The following CORIN variants were observed in gnomAD, a reference collection of about 807,000 sequenced individuals.
The protein encoded by CORIN is atrial natriuretic peptide-converting enzyme.
In CORIN, 117 loss-of-function variants were observed where a neutral mutation model predicts 125.3. The observed-to-expected ratio is 0.93, with a 90% CI of 0.80 to 1.09. The LOEUF (loss-of-function observed/expected upper bound fraction) is 1.09, where lower values mean the gene tolerates loss of function less well. Ranked by LOEUF, CORIN falls within the 50% of genes least tolerant of loss-of-function variation. CORIN has a pLI of 0.00. For synonymous variants in CORIN, 450 were observed against 466.4 expected, an observed-to-expected ratio of 0.96 and a Z score of 0.45; for missense variants, 1,253 against 1,306.7, an observed-to-expected ratio of 0.96 and a Z score of 0.63.
intron 2 of CORIN, among the ~76,000 whole-genome samples, chr4:47,798,245 A>G (rs1731382924): frequency 6.6e-6 from 1 of 152,188 alleles, no homozygotes; most frequent in Non-Finnish European, 1.5e-5. Context: ...TCGTTTTACC[A>G]TCTTGACTTT....
chr4:47,808,944 A>G (rs1731927035), intron 1 of CORIN, among the ~76,000 whole-genome samples: 1 of 152,208 alleles, frequency 6.6e-6, no homozygotes. Flanking sequence ...GTACATGACT[A>G]TATTGCAAGG....
chr4:47,706,897 A>G (rs1275026270), intron 5 of CORIN: 3 of 1,599,330 alleles, frequency 1.9e-6, no homozygotes, highest in Non-Finnish European at 2.5e-6. Context: ...GTGGCCTTGG[A>G]AAGGGCCATA....
intron 19 of CORIN, among the ~76,000 whole-genome samples, chr4:47,618,882 G>C (rs1377907278): frequency 6.6e-6 from 1 of 152,016 alleles, no homozygotes; most frequent in Non-Finnish European, 1.5e-5. Flanking sequence ...TGAGATACTA[G>C]GGCAGAAAGT....
At chr4:47,777,920 A>G (rs866699222) in intron 3 of CORIN, among the ~76,000 whole-genome samples, 5 of 152,252 alleles carry the variant, frequency 3.3e-5, no homozygotes, top group Non-Finnish European at 7.3e-5. Flanking sequence ...AACAAATTGA[A>G]TAATTCAGGC....
intron 2 of CORIN, among the ~76,000 whole-genome samples, chr4:47,796,054 G>C (rs1731274588): frequency 6.6e-6 from 1 of 152,000 alleles, no homozygotes; most frequent in South Asian, 2.1e-4. Context: ...AAACAGAATG[G>C]AAGGTCCTTC....
At chr4:47,680,663 GTTTCTAGGAATTATAAC>G (rs1725236848) in intron 7 of CORIN, 1 of 159,592 alleles carries the variant, frequency 6.3e-6, no homozygotes, top group South Asian at 1.8e-4. Flanking sequence ...GCTCTCTCAC[GTTTCTAGGAATTATAAC>G]TTACCTGTCT....
rs141648385 is a variant in CORIN at position 47,761,104 on chromosome 4, T to C, written c.617+2275A>G. ...TTTCTCCATATCAGCAATAAGGCTG[T>C]TTTGCCTTCTAATCATTTGTGTGTT... is the stretch of plus-strand genomic sequence containing the variant. On this transcript the variant is annotated intron_variant, in intron 4 of 21. Coordinates refer to ENST00000273857, the MANE Select transcript of CORIN (RefSeq NM_006587.4). Among the ~76,000 whole-genome samples, 290 of 152,372 alleles carry C rather than the reference T, an allele frequency of 1.9e-3. 1 individual carries two copies. The highest frequency in any genetic ancestry group is 6.1e-3 in the African/African-American group (252 of 41,578).
intron 1 of CORIN, among the ~76,000 whole-genome samples, chr4:47,831,751 A>G (rs185887337): frequency 6.6e-6 from 1 of 152,212 alleles, no homozygotes; most frequent in Admixed American, 6.5e-5. Flanking sequence ...TCCAAAATAT[A>G]TGTTCACCGA....
At chr4:47,829,585 C>A (rs1313150400) in intron 1 of CORIN, among the ~76,000 whole-genome samples, 1 of 152,200 alleles carries the variant, frequency 6.6e-6, no homozygotes, top group African/African-American at 2.4e-5. Flanking sequence ...CCAGAACTTG[C>A]AACTGTCATC....
chr4:47,659,003 C>T (rs1017732341), intron 12 of CORIN, among the ~76,000 whole-genome samples: 6 of 152,206 alleles, frequency 3.9e-5, no homozygotes, highest in African/African-American at 1.2e-4. Flanking sequence ...ATCAGATACC[C>T]TAAATTTTCA....
chr4:47,694,628 AGAAAAGTACAGGCT>A (rs1490222214), intron 5 of CORIN, among the ~76,000 whole-genome samples: 2 of 152,170 alleles, frequency 1.3e-5, no homozygotes, highest in Non-Finnish European at 2.9e-5. Flanking sequence ...ATAGAAATAG[AGAAAAGTACAGGCT>A]GAAAGCTCCA....
chr4:47,634,892 G>A (rs959335720), intron 16 of CORIN, among the ~76,000 whole-genome samples: 1 of 152,176 alleles, frequency 6.6e-6, no homozygotes, highest in Admixed American at 6.5e-5. Context: ...AGGTCCCAAA[G>A]GAAGGGAGGA....
intron 1 of CORIN, among the ~76,000 whole-genome samples, chr4:47,812,137 G>C (rs1732090874): frequency 1.3e-5 from 2 of 152,186 alleles, no homozygotes; most frequent in African/African-American, 4.8e-5. Context: ...TGTTGCTGTA[G>C]TGCAAAGTTA....
chr4:47,712,605 T>A (rs1193238490), intron 5 of CORIN, among the ~76,000 whole-genome samples: 1 of 152,276 alleles, frequency 6.6e-6, no homozygotes, highest in African/African-American at 2.4e-5. Flanking sequence ...TTTAAGGAAG[T>A]ATATGGCAAC....
intron 4 of CORIN, among the ~76,000 whole-genome samples, chr4:47,751,926 GT>G (rs1728920389): frequency 6.6e-6 from 1 of 152,060 alleles, no homozygotes; most frequent in Admixed American, 6.6e-5. Context: ...CTAGTTCCTA[GT>G]AAGACCCTCT....
intron 1 of CORIN, among the ~76,000 whole-genome samples, chr4:47,821,308 G>C (rs935221225): frequency 1.3e-5 from 2 of 151,480 alleles, no homozygotes; most frequent in Admixed American, 1.3e-4. Flanking sequence ...AACTACAACA[G>C]AGAGCAGTCT....
chr4:47,723,931 G>A (rs1727466523), intron 5 of CORIN, among the ~76,000 whole-genome samples: 1 of 146,796 alleles, frequency 6.8e-6, no homozygotes, highest in Non-Finnish European at 1.5e-5. Flanking sequence ...GGAAGAGGGA[G>A]CTTGCAATGA....
chr4:47,616,711 A>G (rs569596750), intron 19 of CORIN, among the ~76,000 whole-genome samples: 8 of 152,210 alleles, frequency 5.3e-5, no homozygotes, highest in African/African-American at 1.9e-4. Flanking sequence ...TGGGACATGG[A>G]GAGGTGTAGA....
chr4:47,672,198 C>A (rs999861304), intron 10 of CORIN, among the ~76,000 whole-genome samples: 1 of 152,160 alleles, frequency 6.6e-6, no homozygotes, highest in Non-Finnish European at 1.5e-5. Flanking sequence ...GAAAGCCCAG[C>A]GCCCATCCCG....
Sources: gnomAD v4.1 joint callset for allele counts (sites outside exome capture counted in the v4.1 genomes callset) on GRCh38, gnomAD v4.1.1 for gene constraint, MANE v1.5 for transcripts, NCBI Gene and HGNC (gene_info 2026-07-23, HGNC 2026-07-21) for gene names.